COL5A2: variants seen among roughly 807,000 people sequenced by gnomAD.
COL5A2 encodes the protein collagen alpha-2(V) chain.
A neutral mutation model predicts 208.2 loss-of-function variants in COL5A2; 23 were observed. The ratio of observed to expected loss-of-function variants is 0.11; its 90% CI spans 0.08 to 0.16. The LOEUF (loss-of-function observed/expected upper bound fraction) is 0.16, where lower values mean the gene tolerates loss of function less well. COL5A2 is among the 10% of genes least tolerant of loss of function. The pLI is 1.00. For missense variants in COL5A2, 1,590 were observed against 1,956.4 expected (o/e 0.81, Z 3.53); for synonymous variants, 625 against 628.5 (o/e 0.99, Z 0.08).
intron 35 of COL5A2, 108 bp downstream of exon 35, chr2:189,056,865 G>A (rs747463084): frequency 7.9e-5 from 83 of 1,044,698 alleles, no homozygotes; most frequent in Non-Finnish European, 1.2e-4. Context: ...TCCAACTCCT[G>A]ACTACCAAGG....
the COL5A2 span, among the ~76,000 whole-genome samples, chr2:189,434,514 T>C: frequency 6.6e-6 from 1 of 152,108 alleles, no homozygotes; most frequent in Admixed American, 6.6e-5. Context: ...GCAAAAATCA[T>C]GAGCATTCTT....
At chr2:189,147,156 A>G (rs541216748) in intron 1 of COL5A2, among the ~76,000 whole-genome samples, 2 of 152,282 alleles carry the variant, frequency 1.3e-5, no homozygotes, top group East Asian at 3.9e-4. Context: ...CAACACCTAA[A>G]CTACATATTA....
chr2:189,270,493 C>G, the COL5A2 span, among the ~76,000 whole-genome samples: 1 of 152,156 alleles, frequency 6.6e-6, no homozygotes, highest in African/African-American at 2.4e-5. Context: ...ACCCAGTAGT[C>G]ATTCAGGAGC....
chr2:189,412,554 T>C, the COL5A2 span, among the ~76,000 whole-genome samples: 2 of 152,188 alleles, frequency 1.3e-5, no homozygotes, highest in African/African-American at 2.4e-5. Context: ...CACCATGTGG[T>C]CTGTCTGTAT....
Position 189,086,754 on chromosome 2 carries a change from C to A in COL5A2, c.662G>T (p.Arg221Met). 1 of 1,583,262 alleles carries A rather than the reference C, an allele frequency of 6.3e-7. No homozygotes were observed. ...CTGTCCTTGTAAACCCTGTGGTCCC[C>A]TTGGGCCAACAGGACCCTTAAAAAC... ...MPGSVGPVGPRGPQGLQGQQG... is the reference protein window; with the variant it reads ...MPGSVGPVGPMGPQGLQGQQG... The change falls in exon 9 of 54, where the codon AGG (arginine) becomes ATG (methionine). Residue 221 changes from arginine to methionine, a missense_variant. Coordinates refer to ENST00000374866, the MANE Select transcript of COL5A2 (RefSeq NM_000393.5).
the COL5A2 span, among the ~76,000 whole-genome samples, chr2:189,295,934 T>C: frequency 6.6e-6 from 1 of 152,110 alleles, no homozygotes; most frequent in African/African-American, 2.4e-5. Context: ...AACAGTTTGA[T>C]GCTCACAGAT....
intron 51 of COL5A2, 91 bp downstream of exon 51, chr2:189,039,181 A>G: frequency 5.5e-6 from 8 of 1,444,352 alleles, no homozygotes; most frequent in Non-Finnish European, 7.7e-6. Flanking sequence ...TCTATCACTA[A>G]GTAGAAAGTC....
chr2:189,055,747 C>T (rs564800003), intron 35 of COL5A2, among the ~76,000 whole-genome samples: 228 of 152,268 alleles, frequency 1.5e-3, no homozygotes, highest in Admixed American at 2.4e-3. Context: ...GTAGTGTCCT[C>T]ATTAAAAATA....
intron 1 of COL5A2, among the ~76,000 whole-genome samples, chr2:189,204,889 C>A (rs1689124281): frequency 6.6e-6 from 1 of 152,130 alleles, no homozygotes; most frequent in African/African-American, 2.4e-5. Context: ...GACCCCAGGT[C>A]TTGGGATCTC....
At chr2:189,155,610 G>A (rs755670440) in intron 1 of COL5A2, among the ~76,000 whole-genome samples, 38 of 152,130 alleles carry the variant, frequency 2.5e-4, no homozygotes, top group Non-Finnish European at 4.7e-4. Context: ...GGACAGCACT[G>A]TTTCAGAATC....
At chr2:189,368,706 G>C in the COL5A2 span, among the ~76,000 whole-genome samples, 3 of 152,150 alleles carry the variant, frequency 2.0e-5, no homozygotes, top group Admixed American at 6.5e-5. Context: ...AACATAAATG[G>C]TGAAAGGAAC....
the COL5A2 span, among the ~76,000 whole-genome samples, chr2:189,320,257 G>A: frequency 2.7e-4 from 41 of 152,294 alleles, no homozygotes; most frequent in Admixed American, 1.7e-3. Flanking sequence ...AAATCAGAGC[G>A]CCTCTCCTCC....
chr2:189,401,333 A>G, the COL5A2 span, among the ~76,000 whole-genome samples: 1 of 152,146 alleles, frequency 6.6e-6, no homozygotes, highest in African/African-American at 2.4e-5. Flanking sequence ...TTCTATTACC[A>G]TGTTAGTTTG....
the COL5A2 span, among the ~76,000 whole-genome samples, chr2:189,432,364 C>G: frequency 6.6e-6 from 1 of 152,050 alleles, no homozygotes; most frequent in Admixed American, 6.5e-5. Context: ...GCTAAATGCC[C>G]CAATTAAAAG....
At chr2:189,255,129 T>G in the COL5A2 span, among the ~76,000 whole-genome samples, 2 of 152,322 alleles carry the variant, frequency 1.3e-5, no homozygotes, top group East Asian at 3.9e-4. Context: ...CATGTGCCTC[T>G]GATCCAAAGA....
chr2:189,087,245 A>G (rs1352277238), intron 8 of COL5A2, among the ~76,000 whole-genome samples: 1 of 152,164 alleles, frequency 6.6e-6, no homozygotes, highest in Non-Finnish European at 1.5e-5. Flanking sequence ...GTTGAAAACG[A>G]TTTGGGGCAC....
the COL5A2 span, among the ~76,000 whole-genome samples, chr2:189,292,559 A>G: frequency 6.6e-6 from 1 of 152,238 alleles, no homozygotes; most frequent in Admixed American, 6.5e-5. Flanking sequence ...ATGAGATGCC[A>G]TCTCACACCA....
At chr2:189,401,689 A>G in the COL5A2 span, among the ~76,000 whole-genome samples, 530 of 152,334 alleles carry the variant, frequency 3.5e-3, no homozygotes, top group Non-Finnish European at 5.6e-3. Context: ...CAACAATGTA[A>G]AAGCATTCCT....
At chr2:189,093,293 G>C (rs1686827204) in intron 6 of COL5A2, among the ~76,000 whole-genome samples, 1 of 152,130 alleles carries the variant, frequency 6.6e-6, no homozygotes. Flanking sequence ...GCTTCAAAAA[G>C]AAAGGACCAA....
Sources: allele counts gnomAD v4.1 joint callset (sites outside exome capture counted in the v4.1 genomes callset), GRCh38; gene constraint gnomAD v4.1.1; transcripts MANE v1.5; gene names NCBI Gene and HGNC (gene_info 2026-07-23, HGNC 2026-07-21).